CHAT: variants seen among roughly 807,000 people sequenced by gnomAD.
CHAT encodes choline O-acetyltransferase, also known as acetyl CoA:choline O-acetyltransferase.
CHAT carries 61 observed loss-of-function variants against 76.9 expected under a neutral mutation model. The ratio of observed to expected loss-of-function variants is 0.79; its 90% confidence interval spans 0.65 to 0.98. The LOEUF is 0.98. Among genes scored for constraint, CHAT ranks in the 50% least tolerant of loss-of-function variants. The pLI, the probability that CHAT is intolerant of heterozygous loss-of-function variation, is 0.00. For missense variants in CHAT, 946 were observed against 986.9 expected (o/e 0.96, Z 0.56); for synonymous variants, 407 against 397.4 (o/e 1.02, Z -0.29).
intron 7 of CHAT, among the ~76,000 whole-genome samples, chr10:49,645,406 A>G (rs1022530026): frequency 2.6e-5 from 4 of 152,178 alleles, no homozygotes; most frequent in Admixed American, 2.0e-4. Context: ...CAAAATGTTA[A>G]ACTTTGGGTG....
At chr10:49,647,686 T>C (rs755192237) in intron 8 of CHAT, among the ~76,000 whole-genome samples, 6 of 152,204 alleles carry the variant, frequency 3.9e-5, no homozygotes, top group Non-Finnish European at 7.3e-5. Context: ...ACCGATATAA[T>C]ACATGCACAG....
chr10:49,625,463 T>C lies in CHAT; in HGVS notation c.753-10T>C. On this transcript the variant is annotated splice_polypyrimidine_tract_variant and intron_variant, in intron 5 of 14. Coordinates refer to ENST00000337653, the MANE Select transcript of CHAT (RefSeq NM_020549.5). Reference sequence around the variant, plus strand: ...TCGTGGCTGCCTCCCTTCCCACTCCTCTCCTTCAGCCACTCCATTCCCACT... The same window carrying C: ...TCGTGGCTGCCTCCCTTCCCACTCCCCTCCTTCAGCCACTCCATTCCCACT... 1 of 1,611,918 alleles carries C rather than the reference T, an allele frequency of 6.2e-7. No homozygotes were observed. The highest frequency in any genetic ancestry group is 8.5e-7 in the Non-Finnish European group (1 of 1,179,848).
intron 9 of CHAT, 54 bp from the exon 10 acceptor site, chr10:49,649,454 C>A: frequency 6.2e-7 from 1 of 1,612,508 alleles, no homozygotes; most frequent in Non-Finnish European, 8.5e-7. Flanking sequence ...AGAAGAGATG[C>A]CTCCCACAGC....
chr10:49,614,150 G>T lies in CHAT; in HGVS notation c.-40G>T, dbSNP rs932739020. The T allele has an allele frequency of 1.3e-6, 2 of 1,546,112 alleles. No individual in the cohort carries two copies. Among genetic ancestry groups the T allele is most frequent in the South Asian group, 1.2e-5 (1 of 83,906 alleles). ...GAAGCGCTCCGGGTAGATTCTGGGG[G>T]CCGGGAGCTGAGATCCCTGGGCGGG... On this transcript the variant is annotated 5_prime_UTR_variant, in exon 1 of 15. Transcript: ENST00000337653.
At chr10:49,612,369 C>G, upstream of CHAT, 1 of 1,556,230 alleles carries the variant, frequency 6.4e-7, no homozygotes, top group South Asian at 1.2e-5. Context: ...GCCCACCCAA[C>G]CGCCTTGGGT....
chr10:49,654,725 C>T (rs1839979506), intron 11 of CHAT, among the ~76,000 whole-genome samples: 1 of 152,232 alleles, frequency 6.6e-6, no homozygotes, highest in Non-Finnish European at 1.5e-5. Context: ...AGGATTCCCG[C>T]ATAGGTGGGA....
At chr10:49,612,084 T>A (rs1590545734), upstream of CHAT, 4 of 1,613,598 alleles carry the variant, frequency 2.5e-6, no homozygotes, top group Non-Finnish European at 3.4e-6. Context: ...CGCTGGGCTT[T>A]GAGCAGCTCA....
At chr10:49,657,565 AG>A (rs1359664133) in intron 13 of CHAT, among the ~76,000 whole-genome samples, 1 of 152,178 alleles carries the variant, frequency 6.6e-6, no homozygotes, top group African/African-American at 2.4e-5. Context: ...AGGCTGAAGC[AG>A]AAGGACTCCA....
chr10:49,638,117 A>G (rs1564482818), intron 7 of CHAT, among the ~76,000 whole-genome samples: 1 of 152,156 alleles, frequency 6.6e-6, no homozygotes, highest in Non-Finnish European at 1.5e-5. Flanking sequence ...ATTTTATAGT[A>G]TGCTTGGTAT....
In CHAT at chr10:49,616,106, C is replaced by A. The variant is rs1300742476; in HGVS notation, c.287-396C>A. 12 of 1,608,734 alleles carry A rather than the reference C, an allele frequency of 7.5e-6. No individual in the cohort carries two copies. In the South Asian group the frequency reaches 1.2e-4, roughly 16 times the overall value. On this transcript the variant is annotated intron_variant, in intron 1 of 14. Transcript: ENST00000337653. ...TGAGCACAGTAGGTATGGTCTTACC[C>A]TTGAGAAGCTAGTGGGAAAGAGAGA...
In CHAT at chr10:49,641,226, C is replaced by A. The variant is rs193234374; in HGVS notation, c.1112-5279C>A. On this transcript the variant is annotated intron_variant, in intron 7 of 14. Coordinates refer to ENST00000337653, the MANE Select transcript of CHAT (RefSeq NM_020549.5). ...AAGGCCCTCCCTCCAAATAGAGTCACACTGAGAGCTGAAGCTTCAACGTAT... is the reference window on the plus strand; with the variant it reads ...AAGGCCCTCCCTCCAAATAGAGTCAAACTGAGAGCTGAAGCTTCAACGTAT... Among the ~76,000 whole-genome samples the A allele has an allele frequency of 1.5e-4, 23 of 152,330 alleles. No homozygotes were observed. In the East Asian group the frequency reaches 4.4e-3, roughly 29 times the overall value.
At position 49,664,758 on chromosome 10, in the gene CHAT, G is replaced by A; in HGVS notation, c.1978-19G>A. 6.2e-7 allele frequency: 1 copy of A among 1,614,158 alleles called. No homozygotes were observed. ...CTGCATTCCAGAACAAGCAGCTCCT[G>A]ACCTGTCCTCTCCTCCAGGTGCCCA... is the stretch of plus-strand genomic sequence containing the variant. On this transcript the variant is annotated intron_variant, in intron 14 of 14. Transcript: ENST00000337653.
At chr10:49,646,466 G>T (rs1409797454) in intron 7 of CHAT, 39 bp from the exon 8 acceptor site, 1 of 1,613,016 alleles carries the variant, frequency 6.2e-7, no homozygotes, top group Admixed American at 1.7e-5. Flanking sequence ...CTGGCCTGGA[G>T]CGGGACAGGT....
chr10:49,616,430 G>A (rs1838497388), intron 1 of CHAT, 72 bp from the exon 2 acceptor site: 5 of 1,188,458 alleles, frequency 4.2e-6, no homozygotes, highest in Non-Finnish European at 4.9e-6. Flanking sequence ...GGGGTCTGTT[G>A]GCGGGAGGTG....
intron 5 of CHAT, among the ~76,000 whole-genome samples, chr10:49,624,006 A>T (rs1838827191): frequency 6.6e-6 from 1 of 152,210 alleles, no homozygotes; most frequent in Admixed American, 6.5e-5. Flanking sequence ...ATGGAAACCC[A>T]GTCATGCCCC....
At chr10:49,660,531 T>C (rs2132847093) in intron 13 of CHAT, among the ~76,000 whole-genome samples, 1 of 151,892 alleles carries the variant, frequency 6.6e-6, no homozygotes, top group South Asian at 2.1e-4. Context: ...AACCTAAGCA[T>C]ATGTTTGGAG....
At chr10:49,621,976 A>C in intron 4 of CHAT, 121 bp from the exon 5 acceptor site, 16 of 1,043,548 alleles carry the variant, frequency 1.5e-5, no homozygotes, top group Non-Finnish European at 1.8e-5. Flanking sequence ...GGGAGGGAGA[A>C]GGGAGGGAAG....
intron 14 of CHAT, 73 bp from the exon 15 acceptor site, chr10:49,664,704 A>G: frequency 6.3e-7 from 1 of 1,589,364 alleles, no homozygotes; most frequent in Non-Finnish European, 8.6e-7. Flanking sequence ...TGGAAAACAG[A>G]GAAGCCAAGC....
chr10:49,611,274 G>A (rs749642076), upstream of CHAT: 49 of 1,611,286 alleles, frequency 3.0e-5, no homozygotes, highest in Non-Finnish European at 3.7e-5. Context: ...ACGCCACGCT[G>A]TTCGCGGCGC....
Sources: gnomAD v4.1 joint callset for allele counts (sites outside exome capture counted in the v4.1 genomes callset) on GRCh38, gnomAD v4.1.1 for gene constraint, MANE v1.5 for transcripts, NCBI Gene and HGNC (gene_info 2026-07-23, HGNC 2026-07-21) for gene names.